Variants in ANK3 observed in about 807,000 individuals in gnomAD.
ANK3 encodes ankyrin-3.
ANK3 carries 57 observed loss-of-function variants against 370.9 expected under a neutral mutation model. The observed-to-expected ratio is 0.15, with a 90% confidence interval of 0.12 to 0.19. The LOEUF (loss-of-function observed/expected upper bound fraction) is 0.19. ANK3 is among the 10% of genes least tolerant of loss of function. The pLI is 1.00. For missense variants in ANK3, 4,439 were observed against 5,302.1 expected, an observed-to-expected ratio of 0.84 and a Z score of 5.06; for synonymous variants, 1,929 against 1,946.3, an observed-to-expected ratio of 0.99 and a Z score of 0.23.
upstream of ANK3, among the ~76,000 whole-genome samples, chr10:60,390,383 C>T (rs1257440859): frequency 6.6e-6 from 1 of 152,168 alleles, no homozygotes; most frequent in Non-Finnish European, 1.5e-5. Context: ...CAGGACTCTC[C>T]TCTCATGGGG....
At chr10:60,379,943 T>C (rs1041834893) in intron 1 of ANK3, among the ~76,000 whole-genome samples, 63 of 152,218 alleles carry the variant, frequency 4.1e-4, no homozygotes, top group East Asian at 9.7e-4. Context: ...TTACATTATA[T>C]TGAAACATCA....
chr10:60,565,463 C>G (rs143937008), intron 2 of ANK3, among the ~76,000 whole-genome samples: 48 of 152,244 alleles, frequency 3.2e-4, no homozygotes, highest in African/African-American at 1.1e-3. Context: ...GGGTTGGGGA[C>G]CCCTGCTATA....
chr10:60,606,437 T>C (rs1475854355), intron 2 of ANK3, among the ~76,000 whole-genome samples: 1 of 152,166 alleles, frequency 6.6e-6, no homozygotes, highest in African/African-American at 2.4e-5. Context: ...GTGATTAAAA[T>C]ATTATGTTTT....
At chr10:60,242,725 T>C (rs899475219) in intron 7 of ANK3, among the ~76,000 whole-genome samples, 1 of 152,168 alleles carries the variant, frequency 6.6e-6, no homozygotes, top group Non-Finnish European at 1.5e-5. Flanking sequence ...AGAGGAGACA[T>C]GAGATAATTT....
chr10:60,431,924 C>T (rs1390636617), intron 2 of ANK3, among the ~76,000 whole-genome samples: 1 of 152,166 alleles, frequency 6.6e-6, no homozygotes, highest in Non-Finnish European at 1.5e-5. Context: ...TGTCTGTTAG[C>T]CTGTTTTCCA....
intron 2 of ANK3, among the ~76,000 whole-genome samples, chr10:60,460,283 C>A (rs906311902): frequency 5.9e-5 from 9 of 152,246 alleles, no homozygotes; most frequent in African/African-American, 2.2e-4. Context: ...GAGGCAGATA[C>A]AATGACTCAG....
intron 40 of ANK3, chr10:60,059,924 A>G (rs1335698020): frequency 6.2e-7 from 1 of 1,614,140 alleles, no homozygotes; most frequent in African/African-American, 1.3e-5. Context: ...TATCACTAAA[A>G]TAATCATCTT....
At chr10:60,606,624 A>G (rs1464018260) in intron 2 of ANK3, among the ~76,000 whole-genome samples, 1 of 152,154 alleles carries the variant, frequency 6.6e-6, no homozygotes, top group Non-Finnish European at 1.5e-5. Context: ...ATTTGACATC[A>G]TTGGAAAAAA....
chr10:60,525,922 C>G (rs1184780155), intron 2 of ANK3, among the ~76,000 whole-genome samples: 1 of 152,092 alleles, frequency 6.6e-6, no homozygotes, highest in African/African-American at 2.4e-5. Flanking sequence ...TCCAGACTGC[C>G]TGATGCTGCA....
intron 25 of ANK3, among the ~76,000 whole-genome samples, chr10:60,132,441 C>A: frequency 6.6e-6 from 1 of 150,746 alleles, no homozygotes; most frequent in South Asian, 2.2e-4. Flanking sequence ...TTACCCTGCA[C>A]AAATTCTCTT....
chr10:60,597,575 C>T (rs2078005510), intron 2 of ANK3, among the ~76,000 whole-genome samples: 1 of 152,124 alleles, frequency 6.6e-6, no homozygotes, highest in South Asian at 2.1e-4. Flanking sequence ...GCCTCCTTCA[C>T]CTCCCCCAAG....
intron 1 of ANK3, among the ~76,000 whole-genome samples, chr10:60,709,060 C>G (rs747439595): frequency 1.3e-5 from 2 of 152,108 alleles, no homozygotes; most frequent in Non-Finnish European, 2.9e-5. Context: ...TTCATTGTGT[C>G]TGGCTATCAA....
At chr10:60,653,629 G>A (rs1247170531) in intron 1 of ANK3, among the ~76,000 whole-genome samples, 1 of 152,062 alleles carries the variant, frequency 6.6e-6, no homozygotes, top group African/African-American at 2.4e-5. Flanking sequence ...CAGTACTTTG[G>A]GAGGACAAGG....
intron 2 of ANK3, among the ~76,000 whole-genome samples, chr10:60,603,138 T>C (rs1460103037): frequency 1.3e-5 from 2 of 152,162 alleles, no homozygotes; most frequent in East Asian, 1.9e-4. Context: ...TATGGTTTGA[T>C]TTAAAATGGT....
At chr10:60,502,683 C>T (rs974574352) in intron 2 of ANK3, among the ~76,000 whole-genome samples, 21 of 141,304 alleles carry the variant, frequency 1.5e-4, no homozygotes, top group South Asian at 4.4e-4. Flanking sequence ...ATAGGGAGAC[C>T]CTGTAGGAAG....
At chr10:60,393,801 C>T (rs2063160883), upstream of ANK3, among the ~76,000 whole-genome samples, 1 of 152,032 alleles carries the variant, frequency 6.6e-6, no homozygotes, top group African/African-American at 2.4e-5. Flanking sequence ...GCGGTTTCCA[C>T]AGAGATGACA....
intron 1 of ANK3, among the ~76,000 whole-genome samples, chr10:60,284,128 C>T (rs2098207657): frequency 6.6e-6 from 1 of 152,026 alleles, no homozygotes. Flanking sequence ...CACATGGACA[C>T]ATAAGAGAGA....
chr10:60,202,675 C>T (rs776881128), intron 12 of ANK3, among the ~76,000 whole-genome samples: 9 of 152,074 alleles, frequency 5.9e-5, no homozygotes, highest in South Asian at 2.1e-4. Flanking sequence ...AGGAGGCCAG[C>T]GCAGGAGGAT....
chr10:60,523,055 A>G (rs1002145468), intron 2 of ANK3, among the ~76,000 whole-genome samples: 1 of 152,074 alleles, frequency 6.6e-6, no homozygotes, highest in African/African-American at 2.4e-5. Flanking sequence ...AACCAAGAAC[A>G]GTATACTAGA....
Sources: allele counts gnomAD v4.1 joint callset (sites outside exome capture counted in the v4.1 genomes callset), GRCh38; gene constraint gnomAD v4.1.1; transcripts MANE v1.5; gene names NCBI Gene and HGNC (gene_info 2026-07-23, HGNC 2026-07-21).